Variants in DSCAM observed in about 807,000 individuals in gnomAD.
DSCAM encodes cell adhesion molecule DSCAM.
Under a neutral mutation model 217.7 loss-of-function variants are expected in DSCAM, and 47 were observed. The observed-to-expected ratio is 0.22, with a 90% confidence interval of 0.17 to 0.28. The LOEUF is 0.28. Ranked by LOEUF, DSCAM falls within the 10% of genes least tolerant of loss-of-function variation. DSCAM has a pLI of 1.00. For synonymous variants in DSCAM, 1,056 were observed against 1,015.3 expected (o/e 1.04, Z -0.76); for missense variants, 2,080 against 2,618.3 (o/e 0.79, Z 4.49).
chr21:40,727,405 TAA>T (rs2090967405), intron 1 of DSCAM, among the ~76,000 whole-genome samples: 1 of 152,316 alleles, frequency 6.6e-6, no homozygotes, highest in Admixed American at 6.5e-5. Flanking sequence ...AAAAAATTAA[TAA>T]GAGTCACATA....
chr21:40,624,158 G>T (rs980968467), intron 3 of DSCAM, among the ~76,000 whole-genome samples: 1 of 151,968 alleles, frequency 6.6e-6, no homozygotes, highest in Non-Finnish European at 1.5e-5. Flanking sequence ...TTTTTGTGCC[G>T]ATTCTCATTT....
intron 1 of DSCAM, among the ~76,000 whole-genome samples, chr21:40,746,835 A>G (rs1293544389): frequency 6.6e-6 from 1 of 151,980 alleles, no homozygotes; most frequent in East Asian, 1.9e-4. Context: ...CAAGTCTTAG[A>G]AATTTTTTAA....
At position 40,596,401 on chromosome 21, in the gene DSCAM, C is replaced by T. The variant is rs143739295; in HGVS notation, c.508+96409G>A. 7.9e-3 allele frequency among the ~76,000 whole-genome samples: 1,201 copies of T among 152,186 alleles called. 14 individuals carry two copies. Among genetic ancestry groups the T allele is most frequent in the African/African-American group, 0.027 (1,113 of 41,530 alleles). ...TCATTGACGGGTGGGAGTTGATGAG[C>T]GTAAGGTGACTCAGAGGCCCTCAAT... is the stretch of plus-strand genomic sequence containing the variant. On this transcript the variant is annotated intron_variant, in intron 3 of 32. Coordinates refer to ENST00000400454, the MANE Select transcript of DSCAM (RefSeq NM_001389.5).
intron 3 of DSCAM, among the ~76,000 whole-genome samples, chr21:40,556,124 T>C (rs891027613): frequency 9.2e-5 from 14 of 152,360 alleles, no homozygotes; most frequent in Admixed American, 2.6e-4. Flanking sequence ...AATCACTATA[T>C]AGAATAATCA....
chr21:40,638,622 C>T (rs1182287988), intron 3 of DSCAM, among the ~76,000 whole-genome samples: 1 of 152,086 alleles, frequency 6.6e-6, no homozygotes, highest in Non-Finnish European at 1.5e-5. Context: ...TCAAGCACGG[C>T]GAGGCTGGGG....
At chr21:40,021,032 CA>C (rs931246079) in intron 32 of DSCAM, among the ~76,000 whole-genome samples, 2 of 150,314 alleles carry the variant, frequency 1.3e-5, no homozygotes, top group Non-Finnish European at 3.0e-5. Context: ...ATACCAGGGT[CA>C]GGGGAGGCTG....
chr21:40,810,769 GT>G (rs952951008), intron 1 of DSCAM, among the ~76,000 whole-genome samples: 3 of 152,118 alleles, frequency 2.0e-5, no homozygotes, highest in Non-Finnish European at 4.4e-5. Context: ...TCCAGACATG[GT>G]GGTGTGTGAC....
intron 1 of DSCAM, among the ~76,000 whole-genome samples, chr21:40,841,483 G>T (rs2092100950): frequency 6.6e-6 from 1 of 152,180 alleles, no homozygotes; most frequent in Non-Finnish European, 1.5e-5. Context: ...GAGATAAGAT[G>T]AGCATTTTTG....
intron 3 of DSCAM, among the ~76,000 whole-genome samples, chr21:40,649,266 A>C (rs1302010644): frequency 1.3e-5 from 2 of 151,892 alleles, no homozygotes; most frequent in Non-Finnish European, 2.9e-5. Flanking sequence ...CTCAGCCCCC[A>C]CCCTGTTGGG....
At chr21:40,699,290 T>C (rs1240631252) in intron 2 of DSCAM, among the ~76,000 whole-genome samples, 5 of 152,176 alleles carry the variant, frequency 3.3e-5, no homozygotes, top group Non-Finnish European at 5.9e-5. Flanking sequence ...GACATGCCAT[T>C]TTCCGTCTTT....
chr21:40,170,327 A>G (rs1052713311), intron 15 of DSCAM, among the ~76,000 whole-genome samples: 5 of 152,204 alleles, frequency 3.3e-5, no homozygotes, highest in Admixed American at 6.5e-5. Context: ...CAGACTCTAC[A>G]TGGCACCAGG....
chr21:40,685,441 C>T (rs140588198), intron 3 of DSCAM, among the ~76,000 whole-genome samples: 262 of 152,284 alleles, frequency 1.7e-3, no homozygotes, highest in Non-Finnish European at 3.2e-3. Flanking sequence ...ACCAAACATA[C>T]CAGGGTGCCT....
At chr21:40,818,947 A>T (rs2091905738) in intron 1 of DSCAM, among the ~76,000 whole-genome samples, 1 of 152,226 alleles carries the variant, frequency 6.6e-6, no homozygotes, top group South Asian at 2.1e-4. Context: ...GATCTGAAGT[A>T]CAAATGTAGC....
At chr21:40,050,954 T>C (rs1041143342) in intron 30 of DSCAM, among the ~76,000 whole-genome samples, 26 of 152,362 alleles carry the variant, frequency 1.7e-4, no homozygotes, top group Admixed American at 1.0e-3. Context: ...TGAAAACATT[T>C]TTTAAATGAA....
intron 3 of DSCAM, among the ~76,000 whole-genome samples, chr21:40,610,707 T>C (rs2089302228): frequency 6.6e-6 from 1 of 152,170 alleles, no homozygotes; most frequent in Admixed American, 6.5e-5. Flanking sequence ...AGGGTGGCCG[T>C]CACCTAATCA....
chr21:40,316,058 GAAT>G (rs922511328), intron 8 of DSCAM, among the ~76,000 whole-genome samples: 3 of 152,030 alleles, frequency 2.0e-5, no homozygotes, highest in African/African-American at 7.2e-5. Context: ...TTAGCATTCT[GAAT>G]TATAAGTCAC....
chr21:40,456,474 A>G (rs2075764362), intron 3 of DSCAM, among the ~76,000 whole-genome samples: 1 of 152,162 alleles, frequency 6.6e-6, no homozygotes, highest in Non-Finnish European at 1.5e-5. Flanking sequence ...ACATTTTCAA[A>G]TGGGAAAATA....
chr21:40,219,718 T>G (rs552295843), intron 11 of DSCAM, among the ~76,000 whole-genome samples: 2 of 152,344 alleles, frequency 1.3e-5, no homozygotes, highest in African/African-American at 4.8e-5. Context: ...TCTCTGCCAA[T>G]ATTCCATATT....
chr21:40,378,207 G>A (rs564787238), intron 3 of DSCAM, among the ~76,000 whole-genome samples: 32 of 152,262 alleles, frequency 2.1e-4, no homozygotes, highest in African/African-American at 6.5e-4. Flanking sequence ...AATGAATTAC[G>A]TTTTAATTAA....
Sources: gnomAD v4.1 joint callset for allele counts (sites outside exome capture counted in the v4.1 genomes callset) on GRCh38, gnomAD v4.1.1 for gene constraint, MANE v1.5 for transcripts, NCBI Gene and HGNC (gene_info 2026-07-23, HGNC 2026-07-21) for gene names.